The following ADCYAP1R1 variants were observed in gnomAD, a reference collection of about 807,000 sequenced individuals.
The protein encoded by ADCYAP1R1 is pituitary adenylate cyclase-activating polypeptide type I receptor.
ADCYAP1R1 carries 44 observed loss-of-function variants against 67.6 expected under a neutral mutation model. That is an observed-to-expected ratio of 0.65 (90% CI 0.51 to 0.84). The LOEUF is 0.84. ADCYAP1R1 is among the 40% of genes least tolerant of loss of function. The pLI is 0.00. For synonymous variants in ADCYAP1R1, 222 were observed against 219.6 expected, an observed-to-expected ratio of 1.01 and a Z score of -0.10; for missense variants, 477 against 587.9, an observed-to-expected ratio of 0.81 and a Z score of 1.95.
intron 3 of ADCYAP1R1, among the ~76,000 whole-genome samples, chr7:31,075,463 C>T (rs553416282): frequency 2.0e-5 from 3 of 152,304 alleles, no homozygotes; most frequent in South Asian, 2.1e-4. Flanking sequence ...GCACTCCACA[C>T]TCCTGCCTCC....
intron 1 of ADCYAP1R1, among the ~76,000 whole-genome samples, chr7:31,060,668 C>G (rs1265608071): frequency 6.6e-6 from 1 of 151,542 alleles, no homozygotes; most frequent in Non-Finnish European, 1.5e-5. Flanking sequence ...CTCTGTGGAC[C>G]TATTTCTGTG....
rs769323515 is a variant in ADCYAP1R1 at position 31,103,218 on chromosome 7, T to A, written c.1047-19T>A. 2 of 1,613,168 alleles carry A rather than the reference T, an allele frequency of 1.2e-6. No individual in the cohort carries two copies. The highest frequency in any genetic ancestry group is 1.7e-6 in the Non-Finnish European group (2 of 1,179,436). ...GCCCTGGAAGTCCCCAGAGCAGATGTTTTGCTTTCCTCCGACAGGCGACTG... is the reference window on the plus strand; with the variant it reads ...GCCCTGGAAGTCCCCAGAGCAGATGATTTGCTTTCCTCCGACAGGCGACTG... On this transcript the variant is annotated intron_variant, in intron 13 of 15. Transcript: ENST00000304166.
At chr7:31,103,004 G>T (rs749245127) in intron 13 of ADCYAP1R1, among the ~76,000 whole-genome samples, 1 of 152,198 alleles carries the variant, frequency 6.6e-6, no homozygotes, top group Non-Finnish European at 1.5e-5. Context: ...CATTTTTAGT[G>T]GTTCTACAGG....
intron 3 of ADCYAP1R1, among the ~76,000 whole-genome samples, chr7:31,074,821 C>T (rs1310972023): frequency 6.6e-6 from 1 of 152,246 alleles, no homozygotes; most frequent in East Asian, 1.9e-4. Flanking sequence ...CTCCCCTCAT[C>T]TGGCCTTTAA....
chr7:31,100,161 C>T lies in ADCYAP1R1; in HGVS notation c.1047-3076C>T, dbSNP rs1362274509. On this transcript the variant is annotated intron_variant, in intron 13 of 15. Coordinates refer to ENST00000304166, the MANE Select transcript of ADCYAP1R1 (RefSeq NM_001118.5). Reference sequence around the variant, plus strand: ...GCAGAAATGCTACTGCAAGCCACAGCGGGCTCAGCAGCACTCTTGCAAGAT... The same window carrying T: ...GCAGAAATGCTACTGCAAGCCACAGTGGGCTCAGCAGCACTCTTGCAAGAT... The T allele has an allele frequency of 1.2e-5, 18 of 1,550,596 alleles. No individual in the cohort carries two copies. The highest frequency in any genetic ancestry group is 1.4e-5 in the Non-Finnish European group (16 of 1,147,008).
intron 13 of ADCYAP1R1, 129 bp downstream of exon 13, chr7:31,092,864 T>A: frequency 1.5e-6 from 1 of 667,016 alleles, no homozygotes; most frequent in Non-Finnish European, 2.5e-6. Context: ...CAGATCTTCT[T>A]CTGATTAAAG....
At position 31,106,621 on chromosome 7, in the gene ADCYAP1R1, C is replaced by T. The variant is rs1299034140; in HGVS notation, c.1344C>T (p.Ile448=). Residue 448 remains isoleucine, a synonymous_variant, in exon 16 of 16, where the codon ATC becomes ATT. Transcript: ENST00000304166. ...TGAATGGGGGCACCCAGCTCTCCATCCTGAGCAAGAGCAGCTCCCAAATCC... is the reference window on the plus strand; with the variant it reads ...TGAATGGGGGCACCCAGCTCTCCATTCTGAGCAAGAGCAGCTCCCAAATCC... ...SGVNGGTQLS[I]LSKSSSQIRM... is the part of the protein sequence containing the mutation. 2 of 1,613,904 alleles carry T rather than the reference C, an allele frequency of 1.2e-6. No individual in the cohort carries two copies. Among genetic ancestry groups the T allele is most frequent in the Non-Finnish European group, 8.5e-7 (1 of 1,179,864 alleles).
chr7:31,053,039 C>G (rs955761421), intron 1 of ADCYAP1R1, among the ~76,000 whole-genome samples: 4 of 151,696 alleles, frequency 2.6e-5, no homozygotes, highest in Middle Eastern at 3.2e-3. Context: ...GCAAGCCATG[C>G]GGCCGGAGGG....
At chr7:31,063,677 C>G (rs991128324) in intron 2 of ADCYAP1R1, among the ~76,000 whole-genome samples, 10 of 152,164 alleles carry the variant, frequency 6.6e-5, no homozygotes, top group Non-Finnish European at 1.0e-4. Context: ...AACTCAGAAG[C>G]CTGCCCCCTG....
At chr7:31,083,435 T>C (rs959028352) in intron 6 of ADCYAP1R1, among the ~76,000 whole-genome samples, 42 of 152,332 alleles carry the variant, frequency 2.8e-4, no homozygotes, top group Middle Eastern at 3.4e-3. Context: ...TCCCACTGAA[T>C]GGCCTTAAAG....
At chr7:31,081,150 G>C (rs540169909) in intron 5 of ADCYAP1R1, among the ~76,000 whole-genome samples, 3 of 152,280 alleles carry the variant, frequency 2.0e-5, no homozygotes, top group East Asian at 1.9e-4. Flanking sequence ...TGAGAAGCGG[G>C]GATGGGGTGG....
rs1384298697 is a variant in ADCYAP1R1 at position 31,085,329 on chromosome 7, A to C, written c.556A>C (p.Asn186His). ...ATGTAGGAAGCTGCACTGCACACGC[A>C]ACTTCATCCACATGAACCTGTTTGT... Reference protein sequence around the residue: ...CRFRKLHCTRNFIHMNLFVSF... With the variant: ...CRFRKLHCTRHFIHMNLFVSF... The change falls in exon 9 of 16, where the codon AAC (asparagine) becomes CAC (histidine). Residue 186 changes from asparagine to histidine, a missense_variant. By Grantham distance (68) the Asn-to-His change is moderately conservative (BLOSUM62 1). Coordinates refer to ENST00000304166, the MANE Select transcript of ADCYAP1R1 (RefSeq NM_001118.5). 1 of 1,614,006 alleles carries C rather than the reference A, an allele frequency of 6.2e-7. No homozygotes were observed. Among genetic ancestry groups the C allele is most frequent in the South Asian group, 1.1e-5 (1 of 91,066 alleles).
chr7:31,104,830 T>C, intron 14 of ADCYAP1R1, 38 bp from the exon 15 acceptor site: 1 of 1,612,730 alleles, frequency 6.2e-7, no homozygotes, highest in Admixed American at 1.7e-5. Context: ...CAGAAAGTCC[T>C]TTGCTAGCAT....
intron 15 of ADCYAP1R1, 104 bp downstream of exon 15, chr7:31,105,013 G>C: frequency 8.6e-7 from 1 of 1,160,686 alleles, no homozygotes; most frequent in Non-Finnish European, 1.3e-6. Context: ...CTTCAGAGAG[G>C]GCTCTGCCAG....
intron 3 of ADCYAP1R1, among the ~76,000 whole-genome samples, chr7:31,074,493 C>T (rs559059231): frequency 6.6e-6 from 1 of 152,330 alleles, no homozygotes; most frequent in African/African-American, 2.4e-5. Context: ...TCCTCGCCCT[C>T]AACACTCATG....
intron 15 of ADCYAP1R1, 132 bp from the exon 16 acceptor site, chr7:31,106,364 G>A (rs370675648): frequency 8.8e-7 from 1 of 1,131,148 alleles, no homozygotes; most frequent in East Asian, 2.9e-5. Flanking sequence ...GAGGGCCGCA[G>A]GCTGCAACTG....
chr7:31,075,871 G>C (rs1468688), intron 3 of ADCYAP1R1, among the ~76,000 whole-genome samples: 1,643 of 152,224 alleles, frequency 0.011, 33 homozygotes, highest in African/African-American at 0.037. Context: ...AGAGAGTGGG[G>C]CATGGATTTC....
intron 3 of ADCYAP1R1, among the ~76,000 whole-genome samples, chr7:31,069,524 T>A (rs1794887632): frequency 1.3e-5 from 2 of 152,246 alleles, no homozygotes; most frequent in African/African-American, 4.8e-5. Context: ...TCTCTCATAA[T>A]TTTTTAAATC....
chr7:31,098,717 G>GAC (rs1796315413), intron 13 of ADCYAP1R1, among the ~76,000 whole-genome samples: 2 of 78,602 alleles, frequency 2.5e-5, no homozygotes, highest in East Asian at 1.8e-3. Flanking sequence ...GGGGGGGGGG[G>GAC]GACCTGGGCT....
Sources: allele counts gnomAD v4.1 joint callset (sites outside exome capture counted in the v4.1 genomes callset), GRCh38; gene constraint gnomAD v4.1.1; transcripts MANE v1.5; gene names NCBI Gene and HGNC (gene_info 2026-07-23, HGNC 2026-07-21).